SMARCAD1: variants seen among roughly 807,000 people sequenced by gnomAD.
The protein encoded by SMARCAD1 is SNF2 related chromatin remodeling ATPase with DExD box 1.
A neutral mutation model predicts 127.1 loss-of-function variants in SMARCAD1; 25 were observed. That is an observed-to-expected ratio of 0.20 (90% CI 0.14 to 0.27). SMARCAD1 has a LOEUF of 0.27. Ranked by LOEUF, SMARCAD1 falls within the 10% of genes least tolerant of loss-of-function variation. SMARCAD1 has a pLI of 1.00. For missense variants in SMARCAD1, 807 were observed against 1,206.0 expected, an observed-to-expected ratio of 0.67 and a Z score of 4.90; for synonymous variants, 400 against 396.9, an observed-to-expected ratio of 1.01 and a Z score of -0.09.
At chr4:94,257,465 T>C (rs927263189) in intron 9 of SMARCAD1, among the ~76,000 whole-genome samples, 4 of 152,172 alleles carry the variant, frequency 2.6e-5, no homozygotes, top group Admixed American at 2.0e-4. Context: ...CTTAAATCTT[T>C]TTTGGGGGAA....
intron 23 of SMARCAD1, among the ~76,000 whole-genome samples, chr4:94,287,995 T>C (rs1755190914): frequency 6.6e-6 from 1 of 151,852 alleles, no homozygotes; most frequent in Non-Finnish European, 1.5e-5. Flanking sequence ...TATTAAAATA[T>C]ATATATATTT....
At chr4:94,256,520 ACCTGGCCAATTTTT>A in intron 9 of SMARCAD1, among the ~76,000 whole-genome samples, 1 of 151,898 alleles carries the variant, frequency 6.6e-6, no homozygotes, top group Admixed American at 6.6e-5. Flanking sequence ...CCGCCACCAC[ACCTGGCCAATTTTT>A]ATATTTTTAG....
At chr4:94,238,934 G>A (rs1277729848) in intron 5 of SMARCAD1, among the ~76,000 whole-genome samples, 1 of 152,094 alleles carries the variant, frequency 6.6e-6, no homozygotes, top group East Asian at 1.9e-4. Context: ...AGGAAACAGT[G>A]GATACAACCT....
intron 8 of SMARCAD1, 145 bp downstream of exon 8, chr4:94,250,978 ATTCT>A: frequency 1.6e-6 from 1 of 611,784 alleles, no homozygotes; most frequent in Non-Finnish European, 2.9e-6. Flanking sequence ...ATGTAAAAAC[ATTCT>A]TTAACAACCA....
rs1449674508 is a variant in SMARCAD1, at chr4:94,208,449, G to A, written c.55G>A (p.Glu19Lys). The A allele has an allele frequency of 3.7e-6, 6 of 1,613,920 alleles. No individual in the cohort carries two copies. In the African/African-American group the frequency reaches 6.7e-5, roughly 18 times the overall value. Residue 19 changes from glutamate (E) to lysine (K), a missense_variant, in exon 2 of 24, where the codon GAA (glutamate) becomes AAA (lysine). Transcript: ENST00000354268. Reference sequence around the variant, plus strand: ...CTTTGAGAAAAGGAATAAGATTGAGGAAGCGCCCGAAGCAACCCCTCAACC... The same window carrying A: ...CTTTGAGAAAAGGAATAAGATTGAGAAAGCGCCCGAAGCAACCCCTCAACC... Reference protein sequence around the residue: ...FRFEKRNKIEEAPEATPQPSQ... With the variant: ...FRFEKRNKIEKAPEATPQPSQ...
At chr4:94,211,372 T>C (rs906152685) in intron 2 of SMARCAD1, among the ~76,000 whole-genome samples, 3 of 152,206 alleles carry the variant, frequency 2.0e-5, no homozygotes, top group Non-Finnish European at 4.4e-5. Context: ...GGATTCAGAA[T>C]TGAGTGTTGG....
At chr4:94,287,682 A>G (rs116494299) in intron 23 of SMARCAD1, among the ~76,000 whole-genome samples, 50 of 152,350 alleles carry the variant, frequency 3.3e-4, no homozygotes, top group Non-Finnish European at 6.2e-4. Context: ...AGCTAAAATC[A>G]GAGAACCACT....
chr4:94,254,988 G>C (rs1749841606), intron 9 of SMARCAD1, among the ~76,000 whole-genome samples: 1 of 151,860 alleles, frequency 6.6e-6, no homozygotes, highest in Non-Finnish European at 1.5e-5. Flanking sequence ...ATATTTTTTA[G>C]TTAAAAGCTA....
intron 20 of SMARCAD1, among the ~76,000 whole-genome samples, 166 bp from the exon 21 acceptor site, chr4:94,281,306 C>T (rs1029130469): frequency 1.3e-5 from 2 of 152,168 alleles, no homozygotes; most frequent in African/African-American, 2.4e-5. Flanking sequence ...ATAAGACATA[C>T]GTCTTCGGTA....
In SMARCAD1 at chr4:94,226,205, G is replaced by A; in HGVS notation, c.277G>A (p.Asp93Asn). The change falls in exon 3 of 24, where the codon GAT becomes AAT. Residue 93 changes from aspartate to asparagine, a missense_variant. Coordinates refer to ENST00000354268, the MANE Select transcript of SMARCAD1 (RefSeq NM_020159.5). ...FKNQRGIQYI[D>N]LSSDSEDVVS... ...AAATCAAAGAGGAATACAGTATATT[G>A]ATTTGTCTTCTGATAGTGAAGATGT... 2 of 1,612,440 alleles carry A rather than the reference G, an allele frequency of 1.2e-6. No individual in the cohort carries two copies. Among genetic ancestry groups the A allele is most frequent in the Non-Finnish European group, 1.7e-6 (2 of 1,178,698 alleles).
At chr4:94,241,475 G>A (rs1747563192) in intron 6 of SMARCAD1, among the ~76,000 whole-genome samples, 1 of 152,100 alleles carries the variant, frequency 6.6e-6, no homozygotes, top group Admixed American at 6.6e-5. Context: ...ATTTTAACTT[G>A]AGTGTCTCAC....
chr4:94,230,143 A>G (rs572060653), intron 3 of SMARCAD1, among the ~76,000 whole-genome samples: 49 of 152,090 alleles, frequency 3.2e-4, no homozygotes, highest in Non-Finnish European at 5.1e-4. Flanking sequence ...TTTACTTTCA[A>G]ATATTTAAAA....
intron 3 of SMARCAD1, among the ~76,000 whole-genome samples, chr4:94,231,389 A>G (rs974112771): frequency 4.6e-5 from 7 of 152,218 alleles, no homozygotes; most frequent in Non-Finnish European, 7.3e-5. Context: ...TGTCTTTAAC[A>G]GGAAGGAACT....
At chr4:94,262,819 A>G (rs987938323) in intron 9 of SMARCAD1, among the ~76,000 whole-genome samples, 1 of 151,352 alleles carries the variant, frequency 6.6e-6, no homozygotes, top group African/African-American at 2.4e-5. Context: ...GTGTTTCCCA[A>G]TGTTCGTAGA....
chr4:94,275,705 A>G (rs896930178), intron 14 of SMARCAD1, among the ~76,000 whole-genome samples: 5 of 152,080 alleles, frequency 3.3e-5, no homozygotes, highest in Non-Finnish European at 7.4e-5. Flanking sequence ...TTAAAATATA[A>G]CACTTCATGG....
At chr4:94,260,879 T>A (rs1051802218) in intron 9 of SMARCAD1, among the ~76,000 whole-genome samples, 1 of 152,084 alleles carries the variant, frequency 6.6e-6, no homozygotes, top group South Asian at 2.1e-4. Context: ...AGGAAGAAAA[T>A]TTTTTTAATA....
intron 4 of SMARCAD1, among the ~76,000 whole-genome samples, chr4:94,235,993 T>C (rs1746593843): frequency 6.6e-6 from 1 of 152,106 alleles, no homozygotes; most frequent in African/African-American, 2.4e-5. Context: ...AGTGATCCCC[T>C]TCAGTTCTAG....
chr4:94,274,458 A>G (rs987629411), intron 12 of SMARCAD1, among the ~76,000 whole-genome samples: 1 of 151,982 alleles, frequency 6.6e-6, no homozygotes, highest in South Asian at 2.1e-4. Context: ...CTGGGACTAC[A>G]GGCGCCCGCC....
At chr4:94,213,541 A>G (rs10013456) in intron 2 of SMARCAD1, among the ~76,000 whole-genome samples, 21,090 of 150,754 alleles carry the variant, frequency 0.14, 1,802 homozygotes, top group Non-Finnish European at 0.19. Context: ...TTTGGTACAC[A>G]TCATAGAGCA....
Sources: allele counts gnomAD v4.1 joint callset (sites outside exome capture counted in the v4.1 genomes callset), GRCh38; gene constraint gnomAD v4.1.1; transcripts MANE v1.5; gene names NCBI Gene and HGNC (gene_info 2026-07-23, HGNC 2026-07-21).